SDK1: variants seen among roughly 807,000 people sequenced by gnomAD.
The protein encoded by SDK1 is sidekick cell adhesion molecule 1.
A neutral mutation model predicts 245.5 loss-of-function variants in SDK1; 157 were observed. The observed-to-expected ratio is 0.64, with a 90% CI of 0.56 to 0.73. The LOEUF is 0.73. SDK1 is among the 30% of genes least tolerant of loss of function. The probability of loss-of-function intolerance (pLI) is 0.00; values close to 1 mark genes in which losing one functional copy is unlikely to be tolerated. For missense variants in SDK1, 3,583 were observed against 3,002.3 expected (o/e 1.19, Z -4.52); for synonymous variants, 1,647 against 1,278.5 (o/e 1.29, Z -6.15).
intron 35 of SDK1, among the ~76,000 whole-genome samples, chr7:4,201,954 C>G (rs1269891006): frequency 2.6e-5 from 4 of 152,198 alleles, no homozygotes; most frequent in Non-Finnish European, 5.9e-5. Context: ...CTGGTGTGAA[C>G]CTAACATGCA....
intron 4 of SDK1, among the ~76,000 whole-genome samples, chr7:3,686,965 G>C (rs1329269826): frequency 2.0e-5 from 3 of 151,646 alleles, no homozygotes; most frequent in Admixed American, 1.3e-4. Context: ...GAAGTGGTTG[G>C]GATGGGAACT....
rs1255766824 is a variant in SDK1 at position 3,943,149 on chromosome 7, T to C, written c.848-7774T>C. On this transcript the variant is annotated intron_variant, in intron 5 of 44. Transcript: ENST00000404826. ...AAAATGTAGGATTTGCTCTCTCCGA[T>C]ATTCTGGAAAATCCCACTGCTTTAG... is the stretch of plus-strand genomic sequence containing the variant. Among the ~76,000 whole-genome samples, 4 of 152,338 alleles carry C rather than the reference T, an allele frequency of 2.6e-5. No homozygotes were observed. The East Asian group carries it at 7.7e-4, about 29-fold the overall frequency.
intron 1 of SDK1, among the ~76,000 whole-genome samples, chr7:3,436,081 A>C (rs1016019472): frequency 6.6e-6 from 1 of 152,200 alleles, no homozygotes; most frequent in African/African-American, 2.4e-5. Context: ...ATTGTTCAAA[A>C]TAGGTTGTTT....
intron 14 of SDK1, among the ~76,000 whole-genome samples, chr7:3,995,376 C>G (rs557763447): frequency 6.6e-6 from 1 of 152,146 alleles, no homozygotes; most frequent in African/African-American, 2.4e-5. Context: ...CACACCCACC[C>G]CCTCCCCTGG....
At chr7:4,231,154 T>C (rs1462954844) in intron 40 of SDK1, among the ~76,000 whole-genome samples, 4 of 152,172 alleles carry the variant, frequency 2.6e-5, no homozygotes. Flanking sequence ...GCCAGCAATC[T>C]GTGTGTGAAC....
chr7:3,480,869 A>T (rs1477315790), intron 1 of SDK1, among the ~76,000 whole-genome samples: 2 of 152,206 alleles, frequency 1.3e-5, no homozygotes, highest in African/African-American at 4.8e-5. Context: ...GTAGCCAGTG[A>T]CGCTGGCATC....
intron 1 of SDK1, among the ~76,000 whole-genome samples, chr7:3,442,317 T>A (rs1327922062): frequency 6.6e-6 from 1 of 152,188 alleles, no homozygotes; most frequent in Non-Finnish European, 1.5e-5. Context: ...AAGGTTCAAC[T>A]CGTGTATGTG....
At chr7:4,052,436 A>G (rs900752060) in intron 19 of SDK1, among the ~76,000 whole-genome samples, 3 of 152,188 alleles carry the variant, frequency 2.0e-5, no homozygotes, top group Admixed American at 1.3e-4. Flanking sequence ...AAAAATGTGA[A>G]AAGCATTCAG....
intron 42 of SDK1, 84 bp downstream of exon 42, chr7:4,237,868 C>G: frequency 6.8e-7 from 1 of 1,481,228 alleles, no homozygotes; most frequent in Non-Finnish European, 9.3e-7. Flanking sequence ...ATCTGCCGGG[C>G]CCGTGTCTGC....
intron 1 of SDK1, among the ~76,000 whole-genome samples, chr7:3,614,612 G>T (rs575573214): frequency 5.3e-5 from 8 of 152,202 alleles, no homozygotes; most frequent in African/African-American, 1.7e-4. Flanking sequence ...CTCCCTTTCT[G>T]TCCCCAAAGT....
rs573277545 is a variant in SDK1, at chr7:3,901,311, C to T, written c.848-49612C>T. On this transcript the variant is annotated intron_variant, in intron 5 of 44. Coordinates refer to ENST00000404826, the MANE Select transcript of SDK1 (RefSeq NM_152744.4). ...AAGCGATTCTCCTGCCTCAGCCTCC[C>T]GAGTAGCTGGGACTACAGGCATGTG... Among the ~76,000 whole-genome samples the T allele has an allele frequency of 2.6e-5, 4 of 152,032 alleles. No homozygotes were observed. In the South Asian group the frequency reaches 6.2e-4, roughly 24 times the overall value.
At position 4,171,351 on chromosome 7, in the gene SDK1, C is replaced by T. The variant is rs542269473; in HGVS notation, c.4801-2871C>T. On this transcript the variant is annotated intron_variant, in intron 32 of 44. Coordinates refer to ENST00000404826, the MANE Select transcript of SDK1 (RefSeq NM_152744.4). ...AAGCTTTTCCATCTGTAGATTGTCC[C>T]GATGGAAGGCAAGCAGCGCCGGGGA... Among the ~76,000 whole-genome samples the T allele has an allele frequency of 9.1e-4, 139 of 152,318 alleles. 1 individual carries two copies. The highest frequency in any genetic ancestry group is 3.2e-3 in the African/African-American group (132 of 41,560).
chr7:3,357,316 CCTT>C lies in SDK1; in HGVS notation c.298+55436_298+55438del, dbSNP rs554822871. ...TTCACTGTCTTTTTACTCTTGCTCC[CCTT>C]CTTTTAGTGTTTTTTTTTTTTTTTT... On this transcript the variant is annotated intron_variant, in intron 1 of 44. Transcript: ENST00000404826. Among the ~76,000 whole-genome samples the C allele has an allele frequency of 1.1e-3, 113 of 101,818 alleles. 1 individual carries two copies. The highest frequency in any genetic ancestry group is 3.7e-3 in the African/African-American group (104 of 28,166). The allele number at this position is 101,818 out of a possible 152,430, so 66.8% of individuals were successfully genotyped here. A position where few individuals can be genotyped will look rare whatever the true frequency, so the allele number is the denominator to read the frequency against.
At chr7:4,157,465 A>AGAAGGAAGGAGAGAAGGAAG (rs1394710384) in intron 30 of SDK1, among the ~76,000 whole-genome samples, 7 of 31,390 alleles carry the variant, frequency 2.2e-4, no homozygotes, top group South Asian at 9.6e-4. Context: ...TGGAAGGGAG[A>AGAAGGAAGGAGAGAAGGAAG]GAAGGAAGGA....
chr7:3,355,739 A>G (rs1352526423), intron 1 of SDK1, among the ~76,000 whole-genome samples: 2 of 152,192 alleles, frequency 1.3e-5, no homozygotes, highest in African/African-American at 4.8e-5. Flanking sequence ...TAATTTCAGG[A>G]AATAGCCTCT....
chr7:3,611,253 C>T lies in SDK1; in HGVS notation c.299-7827C>T, dbSNP rs145741755. On this transcript the variant is annotated intron_variant, in intron 1 of 44. Coordinates refer to ENST00000404826, the MANE Select transcript of SDK1 (RefSeq NM_152744.4). Reference sequence around the variant, plus strand: ...TTATGATAAGCTAAAGAAACAAAGCCTGGGAATTTGCTGTGATAATAGAGC... The same window carrying T: ...TTATGATAAGCTAAAGAAACAAAGCTTGGGAATTTGCTGTGATAATAGAGC... Among the ~76,000 whole-genome samples, 391 of 152,176 alleles carry T rather than the reference C, an allele frequency of 2.6e-3. 1 individual carries two copies. Among genetic ancestry groups the T allele is most frequent in the Admixed American group, 0.013 (200 of 15,280 alleles).
chr7:4,230,063 G>GGAAGGAAA (rs1785652359), intron 40 of SDK1, among the ~76,000 whole-genome samples: 1 of 143,658 alleles, frequency 7.0e-6, no homozygotes, highest in Non-Finnish European at 1.5e-5. Flanking sequence ...AAGGAAGGAA[G>GGAAGGAAA]GAAGGAAGGA....
intron 20 of SDK1, among the ~76,000 whole-genome samples, chr7:4,070,544 C>T (rs1562763389): frequency 6.6e-6 from 1 of 152,084 alleles, no homozygotes; most frequent in Non-Finnish European, 1.5e-5. Context: ...CCTACAGTGA[C>T]CTCTTTCTAC....
At chr7:3,566,929 G>A (rs180706907) in intron 1 of SDK1, among the ~76,000 whole-genome samples, 1 of 152,290 alleles carries the variant, frequency 6.6e-6, no homozygotes, top group African/African-American at 2.4e-5. Context: ...TACAAGTGGG[G>A]ATGTGTGAAC....
Sources: allele counts gnomAD v4.1 joint callset (sites outside exome capture counted in the v4.1 genomes callset), GRCh38; gene constraint gnomAD v4.1.1; transcripts MANE v1.5; gene names NCBI Gene and HGNC (gene_info 2026-07-23, HGNC 2026-07-21).